GLB1L3: variants seen among roughly 807,000 people sequenced by gnomAD.
GLB1L3 encodes beta-galactosidase-1-like protein 3.
Under a neutral mutation model 89.5 loss-of-function variants are expected in GLB1L3, and 89 were observed. The ratio of observed to expected loss-of-function variants is 0.99; its 90% CI spans 0.84 to 1.19. The LOEUF (loss-of-function observed/expected upper bound fraction) is 1.19. GLB1L3 is among the 50% of genes most tolerant of loss of function. GLB1L3 has a pLI of 0.00. For missense variants in GLB1L3, 812 were observed against 813.3 expected (o/e 1.00, Z 0.02); for synonymous variants, 314 against 312.3 (o/e 1.01, Z -0.06).
Position 134,281,400 on chromosome 11 carries a change from A to G in GLB1L3, c.386A>G (p.Glu129Gly). 1 of 1,614,136 alleles carries G rather than the reference A, an allele frequency of 6.2e-7. No homozygotes were observed. Among genetic ancestry groups the G allele is most frequent in the East Asian group, 2.2e-5 (1 of 44,860 alleles). The change falls in exon 4 of 20, where the codon GAG (glutamate) becomes GGG (glycine). Residue 129 changes from glutamate (E) to glycine (G), a missense_variant. Transcript: ENST00000431683. ...VTTYVPWNLHEPERGKFDFSG... is the reference protein window; with the variant it reads ...VTTYVPWNLHGPERGKFDFSG... ...AGCTATGTTCCGTGGAACCTGCATG[A>G]GCCAGAAAGAGGCAAATTTGACTTC...
chr11:134,308,446 T>G (rs367829675), intron 10 of GLB1L3, among the ~76,000 whole-genome samples: 2 of 16,870 alleles, frequency 1.2e-4, no homozygotes, highest in African/African-American at 7.7e-4. Context: ...ACCACCACCA[T>G]CACCACCACC....
chr11:134,304,389 G>C (rs1942087769), intron 9 of GLB1L3, among the ~76,000 whole-genome samples: 1 of 152,098 alleles, frequency 6.6e-6, no homozygotes, highest in South Asian at 2.1e-4. Flanking sequence ...GTGAGTCTTT[G>C]ATCATATCTT....
At chr11:134,311,262 A>G (rs547438256) in intron 13 of GLB1L3, 92 bp downstream of exon 13, 28 of 900,962 alleles carry the variant, frequency 3.1e-5, no homozygotes, top group African/African-American at 2.8e-4. Flanking sequence ...AAGTGGGAAA[A>G]CAAATCCTCT....
chr11:134,312,754 G>A (rs145536799), intron 14 of GLB1L3, 62 bp from the exon 15 acceptor site: 70 of 1,371,272 alleles, frequency 5.1e-5, no homozygotes, highest in African/African-American at 1.0e-4. Flanking sequence ...CCGAAACCGC[G>A]GCCTCTCTTC....
chr11:134,286,713 C>T (rs1343328398), intron 6 of GLB1L3, among the ~76,000 whole-genome samples: 1 of 151,040 alleles, frequency 6.6e-6, no homozygotes, highest in Non-Finnish European at 1.5e-5. Context: ...GGGGGCGGAG[C>T]TTGCAGGGAG....
chr11:134,277,459 T>G lies in GLB1L3; in HGVS notation c.149+8T>G. 1 of 1,611,056 alleles carries G rather than the reference T, an allele frequency of 6.2e-7. No individual in the cohort carries two copies. Among genetic ancestry groups the G allele is most frequent in the Non-Finnish European group, 8.5e-7 (1 of 1,178,134 alleles). ...GCATCCGTCCCAGCCTAGGTTTGCT[T>G]GAGAGCTACATCCCTGGGGAGGGAG... On this transcript the variant is annotated splice_region_variant and intron_variant, in intron 2 of 19. Coordinates refer to ENST00000431683, the MANE Select transcript of GLB1L3 (RefSeq NM_001080407.3).
At chr11:134,313,328 A>C in intron 15 of GLB1L3, 68 bp from the exon 16 acceptor site, 1 of 1,271,122 alleles carries the variant, frequency 7.9e-7, no homozygotes. Context: ...GACTCAGTGA[A>C]AAAACGGGTT....
At chr11:134,307,302 T>G (rs1268058542) in intron 10 of GLB1L3, 94 bp downstream of exon 10, 1 of 921,168 alleles carries the variant, frequency 1.1e-6, no homozygotes, top group East Asian at 2.6e-5. Context: ...ATTCACTTGA[T>G]CAGCCGTAGA....
In GLB1L3 at chr11:134,277,866, G is replaced by T; in HGVS notation, c.316G>T (p.Asp106Tyr). 1 of 1,613,972 alleles carries T rather than the reference G, an allele frequency of 6.2e-7. No homozygotes were observed. Residue 106 changes from aspartate to tyrosine, a missense_variant, in exon 3 of 20, where the codon GAC becomes TAC. This residue lies in a region of GLB1L3 where 191 missense variants were observed against 191.4 expected (regional missense o/e 1.00). Transcript: ENST00000431683. The part of the protein sequence containing the change: ...YFRVPREYWR[D>Y]RLLKLKACGF... The stretch of plus-strand genomic sequence containing the variant: ...CCGGGTGCCCAGGGAGTACTGGAGG[G>T]ACCGCCTGCTGAAGCTGAAGGCCTG...
intron 6 of GLB1L3, among the ~76,000 whole-genome samples, chr11:134,285,144 G>A (rs1035657071): frequency 6.6e-6 from 1 of 151,930 alleles, no homozygotes; most frequent in Non-Finnish European, 1.5e-5. Context: ...TAGCCAGGAT[G>A]GTCTTGATCT....
At chr11:134,281,698 C>T (rs1160779551) in intron 4 of GLB1L3, among the ~76,000 whole-genome samples, 1 of 106,990 alleles carries the variant, frequency 9.3e-6, no homozygotes, top group Non-Finnish European at 2.1e-5. Context: ...CTGGGAGCCG[C>T]CCGACTCTGC....
chr11:134,309,755 C>G lies in GLB1L3; in HGVS notation c.1091C>G (p.Thr364Ser), dbSNP rs368492101. ...TTCGGGAAGCACTCGGGCATTGTCA[C>G]CAGCTATGGCAAGTGTCGCTGGTGT... is the stretch of plus-strand genomic sequence containing the variant. ...TYFGKHSGIV[T>S]SYDYDAVLTE... The change falls in exon 11 of 20, where the codon ACC (threonine) becomes AGC (serine). Residue 364 changes from threonine (T) to serine (S), a missense_variant. Thr to Ser is a moderately conservative substitution (Grantham distance 58, BLOSUM62 1). Coordinates refer to ENST00000431683, the MANE Select transcript of GLB1L3 (RefSeq NM_001080407.3). 9.9e-6 allele frequency: 16 copies of G among 1,613,044 alleles called. No homozygotes were observed. Among genetic ancestry groups the G allele is most frequent in the Non-Finnish European group, 1.4e-5 (16 of 1,179,566 alleles).
rs911643343 is a variant in GLB1L3 at position 134,277,166 on chromosome 11, C to G, written c.24-160C>G. The G allele has an allele frequency of 2.6e-5, 22 of 841,218 alleles. 1 individual carries two copies. The highest frequency in any genetic ancestry group is 2.3e-4 in the Middle Eastern group (1 of 4,422). 52.1% of individuals were successfully genotyped at this position (841,218 alleles called of 1,614,324 possible). On this transcript the variant is annotated intron_variant, in intron 1 of 19. Transcript: ENST00000431683. ...CTGCAGAGGACTGGCCGGGTGATGC[C>G]GCGCTGTCCTGGCCCTGGGCCCGCC...
At chr11:134,277,138 T>C in intron 1 of GLB1L3, 188 bp from the exon 2 acceptor site, 1 of 720,648 alleles carries the variant, frequency 1.4e-6, no homozygotes, top group Non-Finnish European at 2.4e-6. Flanking sequence ...GCCTTCATCC[T>C]GGCTGCAGAG....
chr11:134,289,246 G>C (rs1469874333), intron 7 of GLB1L3, among the ~76,000 whole-genome samples: 2 of 152,084 alleles, frequency 1.3e-5, no homozygotes, highest in East Asian at 3.9e-4. Context: ...AAAATGTATT[G>C]ACTTCTCATT....
intron 9 of GLB1L3, among the ~76,000 whole-genome samples, chr11:134,304,867 A>G (rs1339852970): frequency 2.6e-5 from 4 of 151,752 alleles, no homozygotes; most frequent in African/African-American, 9.7e-5. Context: ...AAAGAAAAAA[A>G]CTCTTTTTTA....
chr11:134,304,812 T>C (rs1022228079), intron 9 of GLB1L3, among the ~76,000 whole-genome samples: 9 of 152,202 alleles, frequency 5.9e-5, no homozygotes, highest in Admixed American at 5.9e-4. Flanking sequence ...ACCTATGCTA[T>C]AGAAAGTTTT....
chr11:134,298,500 T>C (rs1024719732), intron 9 of GLB1L3, among the ~76,000 whole-genome samples: 1 of 152,148 alleles, frequency 6.6e-6, no homozygotes, highest in Non-Finnish European at 1.5e-5. Context: ...CACCCAAATC[T>C]CAACTTGAAT....
chr11:134,298,599 A>T (rs1409249479), intron 9 of GLB1L3, among the ~76,000 whole-genome samples: 2 of 152,122 alleles, frequency 1.3e-5, no homozygotes, highest in Non-Finnish European at 2.9e-5. Flanking sequence ...TGCTATTCTC[A>T]TGATAGTGAA....
Sources: allele counts gnomAD v4.1 joint callset (sites outside exome capture counted in the v4.1 genomes callset), GRCh38; gene constraint gnomAD v4.1.1; regional missense constraint gnomAD v4.1.1; transcripts MANE v1.5; gene names NCBI Gene and HGNC (gene_info 2026-07-23, HGNC 2026-07-21).